Variants in GFRA1 observed in about 807,000 individuals in gnomAD.
GFRA1 encodes GDNF family receptor alpha 1, also known as GDNF family receptor alpha-1.
In GFRA1, 16 loss-of-function variants were observed where a neutral mutation model predicts 51.6. The ratio of observed to expected loss-of-function variants is 0.31; its 90% confidence interval spans 0.21 to 0.47. The LOEUF (loss-of-function observed/expected upper bound fraction) is 0.47, where lower values mean the gene tolerates loss of function less well. GFRA1 is among the 20% of genes least tolerant of loss of function. The probability of loss-of-function intolerance (pLI) is 1.00; values close to 1 mark genes in which losing one functional copy is unlikely to be tolerated. For missense variants in GFRA1, 530 were observed against 594.3 expected (o/e 0.89, Z 1.13); for synonymous variants, 270 against 241.3 (o/e 1.12, Z -1.10).
chr10:116,249,115 C>T (rs767980928), intron 4 of GFRA1, among the ~76,000 whole-genome samples: 2 of 152,200 alleles, frequency 1.3e-5, no homozygotes, highest in African/African-American at 4.8e-5. Context: ...GCCTCATCAC[C>T]GGTGCTCAGA....
rs11812659 is a variant in GFRA1 at position 116,191,976 on chromosome 10, G to A, written c.433+19655C>T. Among the ~76,000 whole-genome samples the A allele has an allele frequency of 7.0e-3, 1,062 of 152,282 alleles. 16 individuals carry two copies. The highest frequency in any genetic ancestry group is 0.024 in the African/African-American group (1,006 of 41,548). Reference sequence around the variant, plus strand: ...CGGGAGGCAGAGGTTGCAGTGAGCCGAGATCGCGCCATTGCACTCCAGCCT... The same window carrying A: ...CGGGAGGCAGAGGTTGCAGTGAGCCAAGATCGCGCCATTGCACTCCAGCCT... On this transcript the variant is annotated intron_variant, in intron 5 of 10. Coordinates refer to ENST00000355422, the MANE Select transcript of GFRA1 (RefSeq NM_005264.8).
At position 116,092,258 on chromosome 10, in the gene GFRA1, CA is replaced by C. The variant is rs148395448; in HGVS notation, c.1015+1443del. On this transcript the variant is annotated intron_variant, in intron 8 of 10. Transcript: ENST00000355422. The stretch of plus-strand genomic sequence containing the variant: ...TGGGTGTGAATTTCACTTAAGAATC[CA>C]AAAGCTTGTTTTATTTTTAAGAGGC... Among the ~76,000 whole-genome samples the C allele has an allele frequency of 5.6e-3, 849 of 152,160 alleles. 28 individuals are homozygous for C. In the East Asian group the frequency reaches 0.091, roughly 16 times the overall value.
intron 5 of GFRA1, among the ~76,000 whole-genome samples, chr10:116,161,992 A>G (rs968931309): frequency 1.3e-5 from 2 of 152,254 alleles, no homozygotes; most frequent in Non-Finnish European, 2.9e-5. Flanking sequence ...ATCTCAGATA[A>G]TAACCCCCTT....
At chr10:116,071,984 G>A (rs776262925) in intron 9 of GFRA1, among the ~76,000 whole-genome samples, 9 of 151,772 alleles carry the variant, frequency 5.9e-5, no homozygotes, top group Admixed American at 3.9e-4. Flanking sequence ...TTTGACACCC[G>A]CAGAAGAATC....
At chr10:116,150,679 T>C (rs950979428) in intron 5 of GFRA1, among the ~76,000 whole-genome samples, 3 of 152,240 alleles carry the variant, frequency 2.0e-5, no homozygotes, top group Non-Finnish European at 2.9e-5. Flanking sequence ...GTTTTATTTA[T>C]AGCATTCTGT....
chr10:116,259,974 T>A (rs1275901734), intron 4 of GFRA1, among the ~76,000 whole-genome samples: 3 of 152,142 alleles, frequency 2.0e-5, no homozygotes, highest in African/African-American at 7.2e-5. Flanking sequence ...GGTAGGGGCT[T>A]CCCCAGCGGG....
chr10:116,174,328 A>G (rs10749198), intron 5 of GFRA1, among the ~76,000 whole-genome samples: 150,661 of 152,310 alleles, frequency 0.99, 74,531 homozygotes, highest in East Asian at 1. Flanking sequence ...GGAATCTAAC[A>G]GACAAAATGA....
chr10:116,164,882 C>A (rs527922812), intron 5 of GFRA1, among the ~76,000 whole-genome samples: 47 of 152,256 alleles, frequency 3.1e-4, no homozygotes, highest in Non-Finnish European at 6.2e-4. Flanking sequence ...GTATCACAGG[C>A]ATTTTGTCCT....
intron 5 of GFRA1, among the ~76,000 whole-genome samples, chr10:116,137,797 T>G (rs1029645616): frequency 6.6e-6 from 1 of 152,100 alleles, no homozygotes; most frequent in Non-Finnish European, 1.5e-5. Flanking sequence ...AATTCTGGGC[T>G]CTGTGTATTT....
chr10:116,067,413 G>A (rs183156984), intron 9 of GFRA1, among the ~76,000 whole-genome samples: 103 of 152,282 alleles, frequency 6.8e-4, no homozygotes, highest in African/African-American at 2.2e-3. Context: ...GGAAGGCAGC[G>A]TGGTTTCTAG....
chr10:116,117,006 C>G (rs1310342679), intron 6 of GFRA1, among the ~76,000 whole-genome samples: 1 of 152,172 alleles, frequency 6.6e-6, no homozygotes. Flanking sequence ...CATTGTATTC[C>G]TATCATGAAA....
At chr10:116,178,760 T>C (rs1961910174) in intron 5 of GFRA1, among the ~76,000 whole-genome samples, 1 of 152,160 alleles carries the variant, frequency 6.6e-6, no homozygotes, top group Non-Finnish European at 1.5e-5. Flanking sequence ...GGAAGAGTGG[T>C]ACTCTAACAG....
intron 5 of GFRA1, among the ~76,000 whole-genome samples, chr10:116,193,499 C>T (rs188400005): frequency 5.9e-5 from 9 of 152,158 alleles, no homozygotes; most frequent in African/African-American, 2.2e-4. Flanking sequence ...GTCACTAATC[C>T]CTCACCATCA....
At chr10:116,252,887 T>C (rs893419275) in intron 4 of GFRA1, among the ~76,000 whole-genome samples, 3 of 152,236 alleles carry the variant, frequency 2.0e-5, no homozygotes, top group African/African-American at 7.2e-5. Flanking sequence ...GCCTAAGTTA[T>C]GAAAGGATGA....
chr10:116,085,466 G>A (rs537116057), intron 9 of GFRA1, among the ~76,000 whole-genome samples: 20 of 152,322 alleles, frequency 1.3e-4, no homozygotes, highest in Non-Finnish European at 2.2e-4. Flanking sequence ...TCTATTCTGA[G>A]TCATGACACA....
chr10:116,179,613 C>G (rs761813326), intron 5 of GFRA1, among the ~76,000 whole-genome samples: 40 of 152,294 alleles, frequency 2.6e-4, no homozygotes, highest in Non-Finnish European at 5.6e-4. Context: ...ACACTGGAGA[C>G]AGAAGATATG....
chr10:116,161,511 T>C (rs1959791356), intron 5 of GFRA1, among the ~76,000 whole-genome samples: 1 of 152,196 alleles, frequency 6.6e-6, no homozygotes, highest in Non-Finnish European at 1.5e-5. Context: ...GGTTTGTCTG[T>C]GTCCCCACCC....
intron 6 of GFRA1, among the ~76,000 whole-genome samples, chr10:116,099,828 C>T (rs985839453): frequency 1.3e-5 from 2 of 152,102 alleles, no homozygotes; most frequent in African/African-American, 2.4e-5. Context: ...AATGAATGGC[C>T]GCTAAAACAA....
At chr10:116,180,055 G>A (rs960524906) in intron 5 of GFRA1, among the ~76,000 whole-genome samples, 1 of 152,210 alleles carries the variant, frequency 6.6e-6, no homozygotes, top group Non-Finnish European at 1.5e-5. Context: ...AAATGAATTA[G>A]ATTCCTTAAT....
Sources: gnomAD v4.1 joint callset for allele counts (sites outside exome capture counted in the v4.1 genomes callset) on GRCh38, gnomAD v4.1.1 for gene constraint, MANE v1.5 for transcripts, NCBI Gene and HGNC (gene_info 2026-07-23, HGNC 2026-07-21) for gene names.